Variants in RELT observed in about 807,000 individuals in gnomAD.
RELT encodes RELT TNF receptor, also known as tumor necrosis factor receptor superfamily member 19L.
In RELT, 37 loss-of-function variants were observed where a neutral mutation model predicts 51.1. The ratio of observed to expected loss-of-function variants is 0.72; its 90% CI spans 0.56 to 0.95. The LOEUF is 0.95. Ranked by LOEUF, RELT falls within the 40% of genes least tolerant of loss-of-function variation. The probability of loss-of-function intolerance (pLI) is 0.00; values close to 1 mark genes in which losing one functional copy is unlikely to be tolerated. For synonymous variants in RELT, 241 were observed against 235.7 expected (o/e 1.02, Z -0.21); for missense variants, 535 against 572.6 (o/e 0.93, Z 0.67).
chr11:73,389,256 G>A (rs1866173568), intron 2 of RELT, 75 bp downstream of exon 2: 1 of 1,064,630 alleles, frequency 9.4e-7, no homozygotes, highest in East Asian at 2.9e-5. Flanking sequence ...AGAGGGTGCA[G>A]ACACTCCCGG....
chr11:73,379,486 C>G (rs1419562602), intron 1 of RELT, among the ~76,000 whole-genome samples: 1 of 152,184 alleles, frequency 6.6e-6, no homozygotes, highest in Admixed American at 6.5e-5. Context: ...CCAGTCAGCA[C>G]CTGCCCCTAC....
chr11:73,394,616 CCT>C lies in RELT; in HGVS notation c.929_930del (p.Pro310ArgfsTer15). ...GAAGTGGCCCGAGGTGCTGCTGTCC[CCT>C]GAGGCTGTAGCCGCCACTACTCCTG... ...QKKWPEVLLSPEAVAATTPVP... is the reference protein window; with the variant it reads ...QKKWPEVLLSXEAVAATTPVP... On this transcript the variant is annotated frameshift_variant, in exon 9 of 11. Transcript: ENST00000064780. LOFTEE classifies it high-confidence loss of function. This position sits in a 1 kb window ranked among gnomAD's most constrained non-coding sequence, Gnocchi z 4.9. 1.9e-6 allele frequency: 3 copies of C among 1,613,472 alleles called. No homozygotes were observed. Among genetic ancestry groups the C allele is most frequent in the Non-Finnish European group, 2.5e-6 (3 of 1,180,026 alleles).
chr11:73,393,374 T>A (rs752972998), intron 6 of RELT: 8 of 1,144,402 alleles, frequency 7.0e-6, no homozygotes, highest in Non-Finnish European at 7.6e-6. Context: ...CTCACACCCT[T>A]GAGATTTGGG....
chr11:73,393,818 G>A lies in RELT; in HGVS notation c.626-19G>A. On this transcript the variant is annotated intron_variant, in intron 6 of 10. Transcript: ENST00000064780. ...GGCTTCCCCCTCTTCCCCAGGATCA[G>A]GGCCCTTCTCTTCCCCAGGAATCAA... 6.2e-7 allele frequency: 1 copy of A among 1,612,876 alleles called. No homozygotes were observed.
At chr11:73,386,902 TG>T (rs1171857785) in intron 1 of RELT, among the ~76,000 whole-genome samples, 2 of 151,370 alleles carry the variant, frequency 1.3e-5, no homozygotes, top group African/African-American at 2.4e-5. Context: ...CTGCTAGAGC[TG>T]GGGGCTGGGC....
Position 73,396,748 on chromosome 11 carries a change from C to A in RELT, c.*1257C>A. 6.6e-6 allele frequency: 1 copy of A among 152,436 alleles called. No homozygotes were observed. The highest frequency in any genetic ancestry group is 1.5e-5 in the Non-Finnish European group (1 of 68,114). 9.4% of individuals were successfully genotyped at this position (152,436 alleles called of 1,614,324 possible). On this transcript the variant is annotated 3_prime_UTR_variant, in exon 11 of 11. Coordinates refer to ENST00000064780, the MANE Select transcript of RELT (RefSeq NM_152222.2). ...TGGGCACCGTGACAGGCTGCCCTCC[C>A]CTCACAGTTCCTGCACCTCAGCAGC...
Position 73,394,049 on chromosome 11 carries a change from GTGCTCTCTGACC to G in RELT, c.706+133_706+144del. Reference sequence around the variant, plus strand: ...CTGCCAGGGTGCCTCAAGCAGCCTGGTGCTCTCTGACCCAGGAGTGCACACCTCTGCCTCCCA... The same window carrying G: ...CTGCCAGGGTGCCTCAAGCAGCCTGGCAGGAGTGCACACCTCTGCCTCCCA... On this transcript the variant is annotated intron_variant, in intron 7 of 10. Coordinates refer to ENST00000064780, the MANE Select transcript of RELT (RefSeq NM_152222.2). The surrounding 1 kb of genome is among the most constrained non-coding windows in gnomAD (Gnocchi z 4.9). 9.7e-7 allele frequency: 1 copy of G among 1,028,768 alleles called. No homozygotes were observed. The highest frequency in any genetic ancestry group is 1.5e-6 in the Non-Finnish European group (1 of 670,164). The allele number at this position is 1,028,768 out of a possible 1,614,324, so 63.7% of individuals were successfully genotyped here.
chr11:73,391,366 G>T, intron 5 of RELT, 143 bp downstream of exon 5: 1 of 725,894 alleles, frequency 1.4e-6, no homozygotes. Context: ...CAGCCAAAGG[G>T]TCTCCAGCAG....
At position 73,389,161 on chromosome 11, in the gene RELT, C is replaced by A. The variant is rs1304143085; in HGVS notation, c.25C>A (p.Pro9Thr). Residue 9 changes from proline (P) to threonine (T), a missense_variant, in exon 2 of 11, where the codon CCC becomes ACC. Pro to Thr is a conservative substitution (Grantham distance 38). Coordinates refer to ENST00000064780, the MANE Select transcript of RELT (RefSeq NM_152222.2). MKPSLLCR[P>T]LSCFLMLLPW... is the part of the protein sequence containing the mutation. ...GATGAAGCCAAGTCTGCTGTGCCGG[C>A]CCCTGTCCTGCTTCCTTATGGTGAG... The A allele has an allele frequency of 6.4e-7, 1 of 1,550,570 alleles. No individual in the cohort carries two copies. Among genetic ancestry groups the A allele is most frequent in the Admixed American group, 1.9e-5 (1 of 51,484 alleles).
chr11:73,380,918 G>A (rs1866041358), intron 1 of RELT, among the ~76,000 whole-genome samples: 1 of 152,170 alleles, frequency 6.6e-6, no homozygotes, highest in Non-Finnish European at 1.5e-5. Flanking sequence ...CCTAGGCTTG[G>A]TGCTGCTGAG....
At chr11:73,390,271 C>T (rs1481237047) in intron 2 of RELT, among the ~76,000 whole-genome samples, 1 of 152,144 alleles carries the variant, frequency 6.6e-6, no homozygotes, top group African/African-American at 2.4e-5. Context: ...GCTGGAAGGG[C>T]TTGAGATCCT....
At chr11:73,381,692 C>T (rs1866052777) in intron 1 of RELT, among the ~76,000 whole-genome samples, 1 of 152,210 alleles carries the variant, frequency 6.6e-6, no homozygotes, top group African/African-American at 2.4e-5. Flanking sequence ...AATTGGGAAA[C>T]AGGCTTGGGA....
In RELT at chr11:73,395,597, G is replaced by C. The variant is rs926486351; in HGVS notation, c.*106G>C. The C allele has an allele frequency of 2.6e-6, 2 of 765,364 alleles. No individual in the cohort carries two copies. The highest frequency in any genetic ancestry group is 4.9e-6 in the Non-Finnish European group (2 of 410,650). The allele number at this position is 765,364 out of a possible 1,614,324, so 47.4% of individuals were successfully genotyped here. On this transcript the variant is annotated 3_prime_UTR_variant, in exon 11 of 11. Transcript: ENST00000064780. ...GGACTGTGAGGACCGAGAAGCAATGGCCCAGCAGACGAGACAGCAAAGACC... is the reference window on the plus strand; with the variant it reads ...GGACTGTGAGGACCGAGAAGCAATGCCCCAGCAGACGAGACAGCAAAGACC...
Position 73,382,810 on chromosome 11 carries a change from C to G in RELT, c.-25-6302C>G, listed in dbSNP as rs551868625. Among the ~76,000 whole-genome samples the G allele has an allele frequency of 7.9e-5, 12 of 152,296 alleles. No individual in the cohort carries two copies. The East Asian group carries it at 2.1e-3, about 27-fold the overall frequency. On this transcript the variant is annotated intron_variant, in intron 1 of 10. Transcript: ENST00000064780. ...TGAGGAGGGTTAGGGAGCCTCCTCT[C>G]TGCCCGAGATAACTGTCTGGTCTCA...
chr11:73,380,073 G>A (rs1285667838), intron 1 of RELT, among the ~76,000 whole-genome samples: 2 of 152,220 alleles, frequency 1.3e-5, no homozygotes, highest in Non-Finnish European at 2.9e-5. Flanking sequence ...TGGGCCACCT[G>A]CCAGGTGTCC....
intron 1 of RELT, among the ~76,000 whole-genome samples, chr11:73,377,269 AGTGT>A (rs369117500): frequency 5.5e-5 from 8 of 146,154 alleles, no homozygotes; most frequent in Admixed American, 2.0e-4. Flanking sequence ...AAGTGGTGTC[AGTGT>A]GTGTGTGTGT....
chr11:73,385,981 G>A (rs559221359), intron 1 of RELT, among the ~76,000 whole-genome samples: 2 of 152,336 alleles, frequency 1.3e-5, no homozygotes, highest in South Asian at 2.1e-4. Context: ...AGCTGTGATC[G>A]TGCTACTGCA....
chr11:73,377,668 A>G (rs1343070031), intron 1 of RELT, among the ~76,000 whole-genome samples: 1 of 149,154 alleles, frequency 6.7e-6, no homozygotes, highest in Non-Finnish European at 1.5e-5. Context: ...CCCGGACACA[A>G]TCTTGTTCTC....
chr11:73,390,860 AGGCT>A lies in RELT; in HGVS notation c.229_232del (p.Leu77ArgfsTer153), dbSNP rs763859810. The A allele has an allele frequency of 3.7e-6, 6 of 1,612,950 alleles. No homozygotes were observed. The Admixed American group carries it at 8.4e-5, about 22-fold the overall frequency. ...CCATGCCCGTTGCAGCCTTTGGAGG[AGGCT>A]GGAGGCCCAGGTGGGCATGGCAACT... On this transcript the variant is annotated frameshift_variant, in exon 4 of 11. Transcript: ENST00000064780. LOFTEE classifies it high-confidence loss of function.
Sources: gnomAD v4.1 joint callset for allele counts (sites outside exome capture counted in the v4.1 genomes callset) on GRCh38, gnomAD v4.1.1 for gene constraint, Gnocchi (gnomAD v3.1) non-coding constraint, MANE v1.5 for transcripts, NCBI Gene and HGNC (gene_info 2026-07-23, HGNC 2026-07-21) for gene names.